Variants in DCAF1 observed in about 807,000 individuals in gnomAD.
DCAF1 encodes the protein DDB1- and CUL4-associated factor 1.
A neutral mutation model predicts 128.0 loss-of-function variants in DCAF1; 15 were observed. The observed-to-expected ratio is 0.12, with a 90% CI of 0.08 to 0.18. The LOEUF (loss-of-function observed/expected upper bound fraction) is 0.18. Ranked by LOEUF, DCAF1 falls within the 10% of genes least tolerant of loss-of-function variation. The pLI, the probability that DCAF1 is intolerant of heterozygous loss-of-function variation, is 1.00. For missense variants in DCAF1, 988 were observed against 1,649.5 expected (o/e 0.60, Z 6.95); for synonymous variants, 610 against 603.0 (o/e 1.01, Z -0.17).
chr3:51,413,492 G>T, intron 20 of DCAF1, 106 bp from the exon 21 acceptor site: 1 of 1,474,356 alleles, frequency 6.8e-7, no homozygotes, highest in Non-Finnish European at 9.0e-7. Flanking sequence ...CTTGCATATA[G>T]GTTTACATAC....
intron 17 of DCAF1, 49 bp downstream of exon 17, chr3:51,418,067 T>C (rs1553631011): frequency 4.5e-6 from 7 of 1,569,866 alleles, no homozygotes; most frequent in Non-Finnish European, 6.0e-6. Context: ...AAGGGGGGTA[T>C]AAACTAGGTA....
At chr3:51,503,210 G>C (rs1553664685), upstream of DCAF1, among the ~76,000 whole-genome samples, 3 of 152,202 alleles carry the variant, frequency 2.0e-5, no homozygotes, top group African/African-American at 7.2e-5. Context: ...GGAGTGCTTT[G>C]GGGGCTGCCC....
intron 3 of DCAF1, among the ~76,000 whole-genome samples, chr3:51,478,720 C>A (rs1553651592): frequency 6.6e-6 from 1 of 151,980 alleles, no homozygotes; most frequent in African/African-American, 2.4e-5. Context: ...AACCTGTGGC[C>A]TCAAGCGATC....
intron 12 of DCAF1, among the ~76,000 whole-genome samples, chr3:51,428,646 A>T (rs1357275330): frequency 3.9e-5 from 6 of 152,124 alleles, no homozygotes; most frequent in Admixed American, 2.6e-4. Flanking sequence ...TTATAAACAC[A>T]TTTTCAGAAA....
In DCAF1 at chr3:51,429,300, A is replaced by G. The variant is rs1317390934; in HGVS notation, c.1638T>C (p.Thr546=). ...GTGGGTGGACAAGAATGCCACCCTC[A>G]GTCCTCTGAAGTGACTGCTTCACTT... ...LEQVKQSLQR[T]EGGILVHPQP... is the part of the protein sequence containing the mutation. Residue 546 remains threonine, a synonymous_variant, in exon 12 of 25, where the codon ACT becomes ACC. Transcript: ENST00000684031. 3 of 780,542 alleles carry G rather than the reference A, an allele frequency of 3.8e-6. No homozygotes were observed. Among genetic ancestry groups the G allele is most frequent in the South Asian group, 2.7e-5 (2 of 74,560 alleles). The allele number at this position is 780,542 out of a possible 1,614,324, so 48.4% of individuals were successfully genotyped here.
chr3:51,395,912 C>CTT, downstream of DCAF1: 1 of 413,450 alleles, frequency 2.4e-6, no homozygotes, highest in East Asian at 3.6e-5. Flanking sequence ...TGTTTTTTTA[C>CTT]TTGAGCTGTG....
At chr3:51,401,531 G>A (rs1039054942) in intron 24 of DCAF1, among the ~76,000 whole-genome samples, 1 of 152,154 alleles carries the variant, frequency 6.6e-6, no homozygotes, top group Non-Finnish European at 1.5e-5. Flanking sequence ...TTTTCACATC[G>A]TAAATATTCT....
At chr3:51,403,092 G>C (rs1371785478) in intron 24 of DCAF1, 51 bp downstream of exon 24, 1 of 1,550,844 alleles carries the variant, frequency 6.4e-7, no homozygotes, top group East Asian at 2.3e-5. Flanking sequence ...ACAAAAGAAG[G>C]GATCTTGCCC....
chr3:51,411,602 CA>C (rs1231332427), intron 23 of DCAF1, among the ~76,000 whole-genome samples: 3 of 152,136 alleles, frequency 2.0e-5, no homozygotes, highest in Non-Finnish European at 4.4e-5. Context: ...TTTAATTTCT[CA>C]AAAGTATCAA....
chr3:51,432,329 C>A (rs950037124), intron 10 of DCAF1, among the ~76,000 whole-genome samples: 1 of 151,102 alleles, frequency 6.6e-6, no homozygotes, highest in South Asian at 2.1e-4. Flanking sequence ...AGCCTGTAGT[C>A]CTAGCTACCT....
intron 24 of DCAF1, among the ~76,000 whole-genome samples, chr3:51,402,201 A>T (rs1483363942): frequency 6.6e-6 from 1 of 152,212 alleles, no homozygotes; most frequent in African/African-American, 2.4e-5. Context: ...CCAGAAGCCA[A>T]AGGGAAAATA....
Position 51,419,870 on chromosome 3 carries a change from G to C in DCAF1, c.3100C>G (p.Pro1034Ala). The change falls in exon 15 of 25, where the codon CCT (proline) becomes GCT (alanine). Residue 1034 changes from proline to alanine, a missense_variant. By Grantham distance (27) the Pro-to-Ala change is conservative. Transcript: ENST00000684031. ...ATCPPFSLFT[P>A]HQCPEPKQRR... ...TGTTTTGGCTCAGGACATTGGTGAG[G>C]AGTAAAGAGGGAGAAAGGTGGGCAG... The C allele has an allele frequency of 6.2e-7, 1 of 1,614,040 alleles. No individual in the cohort carries two copies. Among genetic ancestry groups the C allele is most frequent in the East Asian group, 2.2e-5 (1 of 44,884 alleles).
intron 9 of DCAF1, among the ~76,000 whole-genome samples, chr3:51,437,855 A>C (rs1213631801): frequency 6.6e-6 from 1 of 151,972 alleles, no homozygotes; most frequent in African/African-American, 2.4e-5. Flanking sequence ...AACACAAACA[A>C]CATTGTTGCA....
At chr3:51,428,785 G>A (rs544460640) in intron 12 of DCAF1, among the ~76,000 whole-genome samples, 1 of 152,098 alleles carries the variant, frequency 6.6e-6, no homozygotes, top group Non-Finnish European at 1.5e-5. Context: ...CTTGAGTCCA[G>A]GAGTTCCAAG....
intron 2 of DCAF1, among the ~76,000 whole-genome samples, chr3:51,486,057 A>T (rs1478812574): frequency 6.6e-6 from 1 of 151,782 alleles, no homozygotes; most frequent in Non-Finnish European, 1.5e-5. Flanking sequence ...ACGCCAGCAA[A>T]TTTTTTGTAT....
intron 6 of DCAF1, among the ~76,000 whole-genome samples, chr3:51,450,484 T>C (rs1702242312): frequency 6.6e-6 from 1 of 152,066 alleles, no homozygotes; most frequent in African/African-American, 2.4e-5. Context: ...CTGCAACTGA[T>C]ACCAAAAAAA....
intron 6 of DCAF1, among the ~76,000 whole-genome samples, chr3:51,459,234 G>A (rs557055503): frequency 4.6e-5 from 7 of 152,222 alleles, no homozygotes; most frequent in Middle Eastern, 6.8e-3. Context: ...TATCACAACC[G>A]ATCCCACGGA....
intron 6 of DCAF1, among the ~76,000 whole-genome samples, chr3:51,462,682 G>C (rs1703732367): frequency 6.8e-6 from 1 of 147,352 alleles, no homozygotes; most frequent in Non-Finnish European, 1.5e-5. Flanking sequence ...GGAGGCAGAG[G>C]TTGTAGTGAG....
At chr3:51,501,754 T>C (rs929904406), upstream of DCAF1, among the ~76,000 whole-genome samples, 1 of 152,150 alleles carries the variant, frequency 6.6e-6, no homozygotes. Context: ...TTTCTTCACT[T>C]CTTTCTCCTG....
Sources: allele counts gnomAD v4.1 joint callset (sites outside exome capture counted in the v4.1 genomes callset), GRCh38; gene constraint gnomAD v4.1.1; transcripts MANE v1.5; gene names NCBI Gene and HGNC (gene_info 2026-07-23, HGNC 2026-07-21).